The following HUNK variants were observed in gnomAD, a reference collection of about 807,000 sequenced individuals.
HUNK encodes the protein hormonally up-regulated Neu-associated kinase.
Under a neutral mutation model 61.0 loss-of-function variants are expected in HUNK, and 21 were observed. That is an observed-to-expected ratio of 0.34 (90% confidence interval 0.24 to 0.50). The LOEUF (loss-of-function observed/expected upper bound fraction) is 0.50, where lower values mean the gene tolerates loss of function less well. HUNK is among the 20% of genes least tolerant of loss of function. The pLI, the probability that HUNK is intolerant of heterozygous loss-of-function variation, is 0.98. For synonymous variants in HUNK, 371 were observed against 386.1 expected (o/e 0.96, Z 0.46); for missense variants, 772 against 945.7 (o/e 0.82, Z 2.41).
chr21:31,974,869 C>A, intron 7 of HUNK, 152 bp downstream of exon 7: 1 of 694,380 alleles, frequency 1.4e-6, no homozygotes, highest in Non-Finnish European at 2.2e-6. Context: ...AAAGTCGTAG[C>A]TAAACCTGCT....
rs112213043 is a variant in HUNK at position 31,956,392 on chromosome 21, C to T, written c.747-2451C>T. 2.6e-3 allele frequency among the ~76,000 whole-genome samples: 393 copies of T among 152,266 alleles called. 7 individuals carry two copies. The highest frequency in any genetic ancestry group is 8.9e-3 in the African/African-American group (371 of 41,532). On this transcript the variant is annotated intron_variant, in intron 4 of 10. Coordinates refer to ENST00000270112, the MANE Select transcript of HUNK (RefSeq NM_014586.2). ...GCCAGAAGGTTTCCATCCATAAAAG[C>T]GATGTGTCCAAGTCCTCTTTGTATG... is the stretch of plus-strand genomic sequence containing the variant.
At chr21:31,969,218 T>C (rs2052992782) in intron 6 of HUNK, among the ~76,000 whole-genome samples, 1 of 152,082 alleles carries the variant, frequency 6.6e-6, no homozygotes. Flanking sequence ...TGTGATCAGC[T>C]CACGAGCCCA....
At chr21:31,979,306 A>G (rs2053074768) in intron 7 of HUNK, among the ~76,000 whole-genome samples, 1 of 151,512 alleles carries the variant, frequency 6.6e-6, no homozygotes, top group African/African-American at 2.4e-5. Flanking sequence ...TTTAGTAGAG[A>G]CGGGGTTTCA....
At chr21:31,990,502 T>A (rs2123252754) in intron 9 of HUNK, among the ~76,000 whole-genome samples, 1 of 151,240 alleles carries the variant, frequency 6.6e-6, no homozygotes, top group Admixed American at 6.6e-5. Flanking sequence ...AGTCTACTAA[T>A]TTAAATGTTA....
Position 31,968,389 on chromosome 21 carries a change from A to AT in HUNK, c.1010+7dup. 6.2e-7 allele frequency: 1 copy of AT among 1,614,118 alleles called. No homozygotes were observed. The highest frequency in any genetic ancestry group is 2.2e-5 in the East Asian group (1 of 44,874). On this transcript the variant is annotated splice_donor_region_variant and intron_variant, in intron 6 of 10. Coordinates refer to ENST00000270112, the MANE Select transcript of HUNK (RefSeq NM_014586.2). ...GTAATGTCACCTATCCCAACAGGTAATTTCGTGCACCCAGAGGAACTCCTC... is the reference window on the plus strand; with the variant it reads ...GTAATGTCACCTATCCCAACAGGTAATTTTCGTGCACCCAGAGGAACTCCTC...
At chr21:31,879,946 C>T (rs1016598424) in intron 1 of HUNK, among the ~76,000 whole-genome samples, 1 of 152,168 alleles carries the variant, frequency 6.6e-6, no homozygotes. Context: ...CTCTACTCAG[C>T]CCTGGTCTAA....
chr21:31,931,027 C>A (rs1601384080), intron 2 of HUNK, among the ~76,000 whole-genome samples: 4 of 104,536 alleles, frequency 3.8e-5, no homozygotes, highest in Non-Finnish European at 7.1e-5. Context: ...ATTTGCACAT[C>A]ATTTGCTTTT....
At chr21:31,899,868 C>G (rs1477503187) in intron 1 of HUNK, among the ~76,000 whole-genome samples, 1 of 151,996 alleles carries the variant, frequency 6.6e-6, no homozygotes, top group African/African-American at 2.4e-5. Flanking sequence ...ACCTCTGCCT[C>G]CCAGGTTCAA....
At chr21:31,944,739 G>A (rs2052790760) in intron 3 of HUNK, among the ~76,000 whole-genome samples, 1 of 152,188 alleles carries the variant, frequency 6.6e-6, no homozygotes, top group Non-Finnish European at 1.5e-5. Flanking sequence ...TGGTTGGTTT[G>A]CTTGCCATTC....
intron 4 of HUNK, among the ~76,000 whole-genome samples, chr21:31,952,107 C>T (rs375458142): frequency 1.3e-4 from 20 of 151,798 alleles, no homozygotes; most frequent in South Asian, 1.0e-3. Flanking sequence ...TTTTGAAATC[C>T]GCAAGAAAAT....
rs1327391111 is a variant in HUNK, at chr21:31,999,425, C to T, written c.*241C>T. 2.1e-6 allele frequency: 1 copy of T among 486,422 alleles called. No homozygotes were observed. Among genetic ancestry groups the T allele is most frequent in the Non-Finnish European group, 3.6e-6 (1 of 277,148 alleles). 30.1% of individuals were successfully genotyped at this position (486,422 alleles called of 1,614,324 possible). ...ATTCCTATCATTCAGATCTTCCTTC[C>T]TCCCAAGTACTCACCAACCCCTTCC... On this transcript the variant is annotated 3_prime_UTR_variant, in exon 11 of 11. Coordinates refer to ENST00000270112, the MANE Select transcript of HUNK (RefSeq NM_014586.2).
rs377269431 is a variant in HUNK, at chr21:31,998,673, C to T, written c.1634C>T (p.Thr545Ile). ...CCCCATCAGCCAGGGCCCGGAAGCA[C>T]TGGCATCCCCCACAAGGAAGACCCC... is the stretch of plus-strand genomic sequence containing the variant. ...PEPHQPGPGS[T>I]GIPHKEDPLM... is the part of the protein sequence containing the mutation. Residue 545 changes from threonine (T) to isoleucine (I), a missense_variant, in exon 11 of 11, where the codon ACT becomes ATT. By Grantham distance (89) the Thr-to-Ile change is moderately conservative. Around this residue, in one of 2 missense-constraint regions of HUNK, gnomAD observed 413 missense variants for 444.4 expected, o/e 0.93. Transcript: ENST00000270112. The T allele has an allele frequency of 1.3e-5, 21 of 1,614,086 alleles. No homozygotes were observed. In the African/African-American group the frequency reaches 2.5e-4, roughly 19 times the overall value.
intron 6 of HUNK, among the ~76,000 whole-genome samples, chr21:31,971,352 G>A (rs540167899): frequency 3.9e-5 from 6 of 152,208 alleles, no homozygotes; most frequent in Non-Finnish European, 8.8e-5. Context: ...GATTATAGGC[G>A]TGAGCCACCA....
At chr21:31,913,945 C>T (rs999237778) in intron 1 of HUNK, among the ~76,000 whole-genome samples, 1 of 152,070 alleles carries the variant, frequency 6.6e-6, no homozygotes, top group Non-Finnish European at 1.5e-5. Flanking sequence ...CGTGTCTACC[C>T]ACTCCTCTGA....
intron 7 of HUNK, among the ~76,000 whole-genome samples, chr21:31,975,613 C>G (rs1194810679): frequency 6.6e-6 from 1 of 152,194 alleles, no homozygotes; most frequent in East Asian, 1.9e-4. Context: ...ACCTTGACAT[C>G]TGATGGCGTG....
chr21:31,957,496 T>C (rs1041056263), intron 4 of HUNK, among the ~76,000 whole-genome samples: 1 of 152,220 alleles, frequency 6.6e-6, no homozygotes, highest in Non-Finnish European at 1.5e-5. Context: ...CTCTGTGGAA[T>C]TGGGCCTCGA....
At chr21:31,938,492 C>T (rs929232036) in intron 2 of HUNK, among the ~76,000 whole-genome samples, 4 of 151,686 alleles carry the variant, frequency 2.6e-5, no homozygotes, top group African/African-American at 9.7e-5. Context: ...TAGCTGTCCC[C>T]GTTAAGTGGG....
intron 1 of HUNK, among the ~76,000 whole-genome samples, chr21:31,913,205 C>T (rs1389785691): frequency 4.6e-5 from 7 of 152,026 alleles, no homozygotes; most frequent in East Asian, 1.9e-4. Context: ...TGGAGAGGCC[C>T]GGAGTGACCC....
intron 8 of HUNK, among the ~76,000 whole-genome samples, chr21:31,984,617 A>G (rs2053120579): frequency 1.3e-5 from 2 of 152,180 alleles, no homozygotes; most frequent in South Asian, 2.1e-4. Context: ...AACATCCCAC[A>G]TCCATGTTTG....
Sources: allele counts gnomAD v4.1 joint callset (sites outside exome capture counted in the v4.1 genomes callset), GRCh38; gene constraint gnomAD v4.1.1; regional missense constraint gnomAD v4.1.1; transcripts MANE v1.5; gene names NCBI Gene and HGNC (gene_info 2026-07-23, HGNC 2026-07-21).